BNIP3L: variants seen among roughly 807,000 people sequenced by gnomAD.
BNIP3L encodes BCL2/adenovirus E1B 19 kDa protein-interacting protein 3-like.
Under a neutral mutation model 25.5 loss-of-function variants are expected in BNIP3L, and 10 were observed. The observed-to-expected ratio is 0.39, with a 90% CI of 0.24 to 0.67. BNIP3L has a LOEUF of 0.67. BNIP3L is among the 30% of genes least tolerant of loss of function. BNIP3L has a pLI of 0.45. For synonymous variants in BNIP3L, 113 were observed against 101.2 expected, an observed-to-expected ratio of 1.12 and a Z score of -0.70; for missense variants, 215 against 270.9, an observed-to-expected ratio of 0.79 and a Z score of 1.45.
At chr8:26,403,537 T>G (rs2117489394) in intron 3 of BNIP3L, among the ~76,000 whole-genome samples, 1 of 151,734 alleles carries the variant, frequency 6.6e-6, no homozygotes, top group South Asian at 2.1e-4. Context: ...GTTTCTTTTT[T>G]TTTTTTTTTG....
At chr8:26,386,490 A>G (rs1379783226) in intron 1 of BNIP3L, among the ~76,000 whole-genome samples, 1 of 151,872 alleles carries the variant, frequency 6.6e-6, no homozygotes, top group Non-Finnish European at 1.5e-5. Context: ...ACTGGAGTGC[A>G]GTGGTACAGT....
chr8:26,412,013 G>C lies in BNIP3L; in HGVS notation c.*1601G>C, dbSNP rs1006546423. The C allele has an allele frequency of 6.6e-6, 1 of 152,476 alleles. No individual in the cohort carries two copies. The highest frequency in any genetic ancestry group is 1.5e-5 in the Non-Finnish European group (1 of 68,008). The allele number at this position is 152,476 out of a possible 1,614,324, so 9.4% of individuals were successfully genotyped here. A position where few individuals can be genotyped will look rare whatever the true frequency, so the allele number is the denominator to read the frequency against. On this transcript the variant is annotated 3_prime_UTR_variant, in exon 6 of 6. Coordinates refer to ENST00000380629, the MANE Select transcript of BNIP3L (RefSeq NM_004331.3). ...GTGTTATAGTGGAAAATAACATATAGATTAAACAAAATTTTTATCTTTTTT... is the reference window on the plus strand; with the variant it reads ...GTGTTATAGTGGAAAATAACATATACATTAAACAAAATTTTTATCTTTTTT...
At chr8:26,399,893 C>T (rs1458909350) in intron 3 of BNIP3L, among the ~76,000 whole-genome samples, 1 of 138,068 alleles carries the variant, frequency 7.2e-6, no homozygotes, top group African/African-American at 2.8e-5. Context: ...AACTACAAAC[C>T]ACTGCTCAAG....
At chr8:26,395,339 A>G in intron 3 of BNIP3L, 37 bp downstream of exon 3, 2 of 1,579,968 alleles carry the variant, frequency 1.3e-6, no homozygotes, top group Non-Finnish European at 1.7e-6. Flanking sequence ...GTAAACAATT[A>G]AGAAAGATGT....
At chr8:26,386,350 A>G (rs1483177593) in intron 1 of BNIP3L, among the ~76,000 whole-genome samples, 1 of 152,236 alleles carries the variant, frequency 6.6e-6, no homozygotes, top group South Asian at 2.1e-4. Context: ...AATAAGGAAA[A>G]TCAAAGTAGT....
At chr8:26,393,829 C>T (rs530695034) in intron 2 of BNIP3L, among the ~76,000 whole-genome samples, 15 of 152,176 alleles carry the variant, frequency 9.9e-5, no homozygotes, top group African/African-American at 2.4e-4. Context: ...ATATATATGA[C>T]GTTGGTTTGA....
intron 1 of BNIP3L, among the ~76,000 whole-genome samples, chr8:26,390,209 C>T (rs751100011): frequency 2.6e-4 from 40 of 152,180 alleles, no homozygotes; most frequent in Non-Finnish European, 5.1e-4. Flanking sequence ...GTGCCTCAGC[C>T]TCCCAAAGTG....
intron 3 of BNIP3L, among the ~76,000 whole-genome samples, chr8:26,400,820 C>A (rs937121594): frequency 6.0e-5 from 7 of 116,940 alleles, no homozygotes; most frequent in African/African-American, 2.3e-4. Flanking sequence ...AAAAAATGCT[C>A]ATCATCACTG....
At chr8:26,383,510 T>G in intron 1 of BNIP3L, 1 of 769,858 alleles carries the variant, frequency 1.3e-6, no homozygotes, top group South Asian at 3.9e-5. Flanking sequence ...CGGGGGGTGG[T>G]CCCCAGCAGC....
In BNIP3L at chr8:26,391,379, A is replaced by G. The variant is rs1310915330; in HGVS notation, c.237A>G (p.Gln79=). The stretch of plus-strand genomic sequence containing the variant: ...TGGAGAAGATTCTTTTGGATGCACA[A>G]CATGAATCAGGACAGAGTAGTTCCA... ...GDMEKILLDA[Q]HESGQSSSRG... is the part of the protein sequence containing the mutation. The change falls in exon 2 of 6, where the codon CAA becomes CAG. Residue 79 remains glutamine (Q), a synonymous_variant. Coordinates refer to ENST00000380629, the MANE Select transcript of BNIP3L (RefSeq NM_004331.3). 1 of 1,608,976 alleles carries G rather than the reference A, an allele frequency of 6.2e-7. No homozygotes were observed. Among genetic ancestry groups the G allele is most frequent in the Non-Finnish European group, 8.5e-7 (1 of 1,177,820 alleles).
chr8:26,384,193 G>A (rs1805929952), intron 1 of BNIP3L, among the ~76,000 whole-genome samples: 1 of 152,184 alleles, frequency 6.6e-6, no homozygotes, highest in Admixed American at 6.5e-5. Flanking sequence ...CAACTCTTGG[G>A]AAAGAGGTAA....
chr8:26,407,559 C>T (rs1382665390), intron 3 of BNIP3L, among the ~76,000 whole-genome samples: 8 of 150,656 alleles, frequency 5.3e-5, no homozygotes, highest in African/African-American at 2.0e-4. Context: ...AGCTTCTGAC[C>T]TCAAGTGATC....
At position 26,412,539 on chromosome 8, in the gene BNIP3L, A is replaced by T. The variant is rs1806652390; in HGVS notation, c.*2127A>T. 6.6e-6 allele frequency: 1 copy of T among 152,260 alleles called. No homozygotes were observed. Among genetic ancestry groups the T allele is most frequent in the Non-Finnish European group, 1.5e-5 (1 of 68,032 alleles). 9.4% of individuals were successfully genotyped at this position (152,260 alleles called of 1,614,324 possible). On this transcript the variant is annotated 3_prime_UTR_variant, in exon 6 of 6. Transcript: ENST00000380629. ...AAACATAGTGTTGCCCTTTTTCTTAAAGCATCAGTGAAATTATGGAAAATT... is the reference window on the plus strand; with the variant it reads ...AAACATAGTGTTGCCCTTTTTCTTATAGCATCAGTGAAATTATGGAAAATT...
At position 26,395,298 on chromosome 8, in the gene BNIP3L, C is replaced by T; in HGVS notation, c.353C>T (p.Ser118Phe). 6.2e-7 allele frequency: 1 copy of T among 1,613,746 alleles called. No homozygotes were observed. Among genetic ancestry groups the T allele is most frequent in the Non-Finnish European group, 8.5e-7 (1 of 1,179,786 alleles). The change falls in exon 3 of 6, where the codon TCT (serine) becomes TTT (phenylalanine). Residue 118 changes from serine (S) to phenylalanine (F), a missense_variant. Transcript: ENST00000380629. Reference protein sequence around the residue: ...VEMHTSRDHSSQSEEEVVEGE... With the variant: ...VEMHTSRDHSFQSEEEVVEGE... ...ATGCACACCAGCAGGGACCATAGCT[C>T]TCAGGTGTGTCGGGGGGATTCTGAT...
At position 26,410,633 on chromosome 8, in the gene BNIP3L, C is replaced by T; in HGVS notation, c.*221C>T. On this transcript the variant is annotated 3_prime_UTR_variant, in exon 6 of 6. Coordinates refer to ENST00000380629, the MANE Select transcript of BNIP3L (RefSeq NM_004331.3). ...TGGCCTGAAGACATTTTAGAATTTC[C>T]TAACAGAGTTTACTGTTGTTTAGAA... is the stretch of plus-strand genomic sequence containing the variant. The T allele has an allele frequency of 1.8e-6, 1 of 557,086 alleles. No individual in the cohort carries two copies. The highest frequency in any genetic ancestry group is 3.2e-6 in the Non-Finnish European group (1 of 312,660). 34.5% of individuals were successfully genotyped at this position (557,086 alleles called of 1,614,324 possible).
intron 3 of BNIP3L, among the ~76,000 whole-genome samples, chr8:26,405,082 G>A (rs1295434235): frequency 6.6e-6 from 1 of 151,974 alleles, no homozygotes; most frequent in Non-Finnish European, 1.5e-5. Flanking sequence ...TAAAACACTT[G>A]TCCAGAGATA....
chr8:26,394,787 A>C (rs532476776), intron 2 of BNIP3L, among the ~76,000 whole-genome samples: 2 of 152,352 alleles, frequency 1.3e-5, no homozygotes, highest in South Asian at 2.1e-4. Context: ...TGTAACCTCA[A>C]AGACCCTCTG....
chr8:26,412,624 C>A lies in BNIP3L; in HGVS notation c.*2212C>A. 6.6e-6 allele frequency: 1 copy of A among 152,610 alleles called. No individual in the cohort carries two copies. The allele number at this position is 152,610 out of a possible 1,614,324, so 9.5% of individuals were successfully genotyped here. A position where few individuals can be genotyped will look rare whatever the true frequency, so the allele number is the denominator to read the frequency against. ...TATTATGAGAGCATGTAGTATGTATCTGTAGCCCTAACACATGGGATGAAC... is the reference window on the plus strand; with the variant it reads ...TATTATGAGAGCATGTAGTATGTATATGTAGCCCTAACACATGGGATGAAC... On this transcript the variant is annotated 3_prime_UTR_variant, in exon 6 of 6. Transcript: ENST00000380629.
chr8:26,409,511 G>A (rs1034818652), intron 5 of BNIP3L, among the ~76,000 whole-genome samples: 11 of 152,108 alleles, frequency 7.2e-5, no homozygotes, highest in African/African-American at 1.9e-4. Context: ...GCTTTTGTGA[G>A]GGCAAGGACA....
Sources: gnomAD v4.1 joint callset for allele counts (sites outside exome capture counted in the v4.1 genomes callset) on GRCh38, gnomAD v4.1.1 for gene constraint, MANE v1.5 for transcripts, NCBI Gene and HGNC (gene_info 2026-07-23, HGNC 2026-07-21) for gene names.